The following PRKN variants were observed in gnomAD, a reference collection of about 807,000 sequenced individuals.
The protein encoded by PRKN is parkin RBR E3 ubiquitin protein ligase.
PRKN carries 56 observed loss-of-function variants against 59.5 expected under a neutral mutation model. That is an observed-to-expected ratio of 0.94 (90% CI 0.76 to 1.18). The LOEUF is 1.18. Among genes scored for constraint, PRKN ranks in the 50% most tolerant of loss-of-function variants. The probability of loss-of-function intolerance (pLI) is 0.00; values close to 1 mark genes in which losing one functional copy is unlikely to be tolerated. For synonymous variants in PRKN, 250 were observed against 222.1 expected (o/e 1.13, Z -1.12); for missense variants, 657 against 596.4 (o/e 1.10, Z -1.06).
In PRKN at chr6:161,385,830, T is replaced by C. The variant is rs185060840; in HGVS notation, c.1167+964A>G. Reference sequence around the variant, plus strand: ...GAAAGAGCATTTGCTGCCTGGGCTATGGAAATGGCAACTCAGTCCTAAATC... The same window carrying C: ...GAAAGAGCATTTGCTGCCTGGGCTACGGAAATGGCAACTCAGTCCTAAATC... On this transcript the variant is annotated intron_variant, in intron 10 of 11. Transcript: ENST00000366898. This position sits in a 1 kb window ranked among gnomAD's most constrained non-coding sequence, Gnocchi z 4.9. 1.3e-5 allele frequency among the ~76,000 whole-genome samples: 2 copies of C among 152,358 alleles called. No homozygotes were observed. The highest frequency in any genetic ancestry group is 3.9e-4 in the East Asian group (2 of 5,192).
rs929840680 is a variant in PRKN, at chr6:161,376,871, C to G, written c.1167+9923G>C. Among the ~76,000 whole-genome samples the G allele has an allele frequency of 2.6e-5, 4 of 152,208 alleles. No individual in the cohort carries two copies. The highest frequency in any genetic ancestry group is 4.1e-4 in the South Asian group (2 of 4,832). On this transcript the variant is annotated intron_variant, in intron 10 of 11. Transcript: ENST00000366898. This position sits in a 1 kb window ranked among gnomAD's most constrained non-coding sequence, Gnocchi z 7.3. ...AGCCTGTTCTCCTGGGAACCTATAA[C>G]CTGTGGCACTTGGTGCCTGGATAGT...
intron 6 of PRKN, among the ~76,000 whole-genome samples, chr6:161,893,236 A>G (rs956152669): frequency 1.3e-5 from 2 of 152,200 alleles, no homozygotes; most frequent in African/African-American, 4.8e-5. Flanking sequence ...TGCTCTTTCA[A>G]GGCAAAGGTA....
At chr6:161,403,137 G>T (rs1221470396) in intron 9 of PRKN, among the ~76,000 whole-genome samples, 3 of 152,042 alleles carry the variant, frequency 2.0e-5, no homozygotes, top group Non-Finnish European at 4.4e-5. Context: ...CTCAGTGCTG[G>T]GCGCCCTTCC....
At chr6:161,704,698 T>A (rs977064661) in intron 7 of PRKN, among the ~76,000 whole-genome samples, 8 of 152,140 alleles carry the variant, frequency 5.3e-5, no homozygotes, top group Non-Finnish European at 1.0e-4. Context: ...CAAAAGTGCC[T>A]CATCCGGTCA....
intron 5 of PRKN, among the ~76,000 whole-genome samples, chr6:162,014,603 G>A (rs897732887): frequency 2.6e-5 from 4 of 152,120 alleles, no homozygotes; most frequent in African/African-American, 4.8e-5. Context: ...AAACAGGAAC[G>A]GAAGCGAGCT....
At chr6:162,104,495 A>G (rs559301716) in intron 4 of PRKN, among the ~76,000 whole-genome samples, 1 of 152,346 alleles carries the variant, frequency 6.6e-6, no homozygotes, top group South Asian at 2.1e-4. Flanking sequence ...ACAACTAATC[A>G]TATTAATAGG....
At chr6:161,555,930 T>C (rs1421356198) in intron 8 of PRKN, among the ~76,000 whole-genome samples, 1 of 152,228 alleles carries the variant, frequency 6.6e-6, no homozygotes, top group South Asian at 2.1e-4. Context: ...CCTACAAAAA[T>C]AATTTTTTAA....
chr6:162,362,668 G>A (rs1785203838), intron 2 of PRKN, among the ~76,000 whole-genome samples: 1 of 152,094 alleles, frequency 6.6e-6, no homozygotes, highest in Non-Finnish European at 1.5e-5. Flanking sequence ...ATAGTAGGAA[G>A]AGGCGGACTC....
At chr6:162,518,603 G>C (rs1378462515) in intron 1 of PRKN, among the ~76,000 whole-genome samples, 1 of 152,132 alleles carries the variant, frequency 6.6e-6, no homozygotes, top group African/African-American at 2.4e-5. Context: ...CTGACCTCAA[G>C]TGATCCGCCC....
intron 2 of PRKN, among the ~76,000 whole-genome samples, chr6:162,350,634 A>C (rs894448903): frequency 1.3e-5 from 2 of 152,166 alleles, no homozygotes; most frequent in Non-Finnish European, 2.9e-5. Context: ...CAAAAAATGA[A>C]CTTTGATTTC....
intron 4 of PRKN, 144 bp from the exon 5 acceptor site, chr6:162,054,318 G>A (rs1777770881): frequency 1.4e-6 from 1 of 704,628 alleles, no homozygotes; most frequent in South Asian, 1.5e-5. Flanking sequence ...CAGACTCTGG[G>A]GGTCCCCGTG....
chr6:162,658,658 C>CAAAAAAAAAAAAAAAGAA (rs1778753556), intron 1 of PRKN, among the ~76,000 whole-genome samples: 5 of 109,098 alleles, frequency 4.6e-5, no homozygotes, highest in South Asian at 6.5e-4. Flanking sequence ...GAGACTCTGT[C>CAAAAAAAAAAAAAAAGAA]AAAAAAAAAA....
chr6:161,977,571 A>C (rs1781092129), intron 5 of PRKN, among the ~76,000 whole-genome samples: 1 of 124,300 alleles, frequency 8.0e-6, no homozygotes. Context: ...TTTTTAAGAC[A>C]GAGTCTTTTC....
Position 161,554,584 on chromosome 6 carries a change from C to T in PRKN, c.934-5581G>A, listed in dbSNP as rs1780160596. Among the ~76,000 whole-genome samples, 1 of 151,706 alleles carries T rather than the reference C, an allele frequency of 6.6e-6. No homozygotes were observed. Among genetic ancestry groups the T allele is most frequent in the Non-Finnish European group, 1.5e-5 (1 of 67,942 alleles). On this transcript the variant is annotated intron_variant, in intron 8 of 11. Coordinates refer to ENST00000366898, the MANE Select transcript of PRKN (RefSeq NM_004562.3). The surrounding 1 kb of genome is among the most constrained non-coding windows in gnomAD (Gnocchi z 4.5). Reference sequence around the variant, plus strand: ...TTCCATAGTAACAGTTTATTTAGGGCTTTTATTCTTGATAATGAGTTTGGC... The same window carrying T: ...TTCCATAGTAACAGTTTATTTAGGGTTTTTATTCTTGATAATGAGTTTGGC...
At chr6:161,783,291 C>A (rs1453652905) in intron 7 of PRKN, among the ~76,000 whole-genome samples, 1 of 151,882 alleles carries the variant, frequency 6.6e-6, no homozygotes, top group Non-Finnish European at 1.5e-5. Flanking sequence ...AAAAAAAAGT[C>A]TCCTAGCTTA....
chr6:162,443,374 A>C lies in PRKN; in HGVS notation c.107T>G (p.Val36Gly). 1.9e-6 allele frequency: 3 copies of C among 1,613,656 alleles called. No homozygotes were observed. Among genetic ancestry groups the C allele is most frequent in the Non-Finnish European group, 2.5e-6 (3 of 1,180,004 alleles). ...AATCACACGCAACTGGTCAGCCGGA[A>C]CCCCCTGTCGCTTAGCAACCACCTC... Reference protein sequence around the residue: ...LKEVVAKRQGVPADQLRVIFA... With the variant: ...LKEVVAKRQGGPADQLRVIFA... The change falls in exon 2 of 12, where the codon GTT (valine) becomes GGT (glycine). Residue 36 changes from valine to glycine, a missense_variant. Coordinates refer to ENST00000366898, the MANE Select transcript of PRKN (RefSeq NM_004562.3).
intron 1 of PRKN, among the ~76,000 whole-genome samples, chr6:162,581,278 G>C (rs947568319): frequency 1.3e-5 from 2 of 152,202 alleles, no homozygotes; most frequent in African/African-American, 2.4e-5. Context: ...GATTTTGAAA[G>C]ATTATTTAAC....
chr6:162,204,993 G>T (rs1334240624), intron 3 of PRKN, among the ~76,000 whole-genome samples: 2 of 151,958 alleles, frequency 1.3e-5, no homozygotes, highest in East Asian at 1.9e-4. Context: ...CTCCTGAGTA[G>T]CTGGAACTAC....
In PRKN at chr6:161,777,740, TATATATAG is replaced by T. The variant is rs1789994887; in HGVS notation, c.871+8024_871+8031del. On this transcript the variant is annotated intron_variant, in intron 7 of 11. Transcript: ENST00000366898. ...TTATATACATATATATCTATATATG[TATATATAG>T]ATATATATGTATATGTATATATGTA... Among the ~76,000 whole-genome samples the T allele has an allele frequency of 1.4e-5, 2 of 138,628 alleles. 1 individual carries two copies. The highest frequency in any genetic ancestry group is 5.6e-5 in the African/African-American group (2 of 35,962). 90.9% of individuals were successfully genotyped at this position (138,628 alleles called of 152,430 possible). A position where few individuals can be genotyped will look rare whatever the true frequency, so the allele number is the denominator to read the frequency against.
Sources: allele counts gnomAD v4.1 joint callset (sites outside exome capture counted in the v4.1 genomes callset), GRCh38; gene constraint gnomAD v4.1.1; non-coding constraint Gnocchi (gnomAD v3.1); transcripts MANE v1.5; gene names NCBI Gene and HGNC (gene_info 2026-07-23, HGNC 2026-07-21).